PTPRT: variants seen among roughly 807,000 people sequenced by gnomAD.
PTPRT encodes receptor-type tyrosine-protein phosphatase T.
Under a neutral mutation model 176.8 loss-of-function variants are expected in PTPRT, and 56 were observed. The ratio of observed to expected loss-of-function variants is 0.32; its 90% CI spans 0.26 to 0.40. The LOEUF is 0.40. Among genes scored for constraint, PTPRT ranks in the 10% least tolerant of loss-of-function variants. The pLI, the probability that PTPRT is intolerant of heterozygous loss-of-function variation, is 1.00. For missense variants in PTPRT, 1,540 were observed against 1,908.2 expected (o/e 0.81, Z 3.60); for synonymous variants, 783 against 739.0 (o/e 1.06, Z -0.96).
intron 2 of PTPRT, among the ~76,000 whole-genome samples, chr20:42,826,165 T>C (rs2077989283): frequency 6.6e-6 from 1 of 151,884 alleles, no homozygotes; most frequent in Non-Finnish European, 1.5e-5. Context: ...CCACGGGTGA[T>C]CCACTGAAAC....
At chr20:42,914,893 A>G (rs1978634932) in intron 1 of PTPRT, among the ~76,000 whole-genome samples, 2 of 151,850 alleles carry the variant, frequency 1.3e-5, no homozygotes, top group Admixed American at 1.3e-4. Context: ...AAAAAAAAAT[A>G]CATACCAAAC....
chr20:42,227,999 T>C (rs1438857863), intron 15 of PTPRT, among the ~76,000 whole-genome samples: 2 of 152,134 alleles, frequency 1.3e-5, no homozygotes, highest in Non-Finnish European at 2.9e-5. Flanking sequence ...GGTACTCCTT[T>C]CTGTTAGCAG....
chr20:42,657,505 T>C (rs1238945366), intron 7 of PTPRT, among the ~76,000 whole-genome samples: 5 of 152,188 alleles, frequency 3.3e-5, no homozygotes, highest in Admixed American at 1.3e-4. Context: ...TTCCCTGGGA[T>C]TGGCCTCTCT....
Position 42,558,283 on chromosome 20 carries a change from C to T in PTPRT, c.1154-85721G>A, listed in dbSNP as rs6065511. Among the ~76,000 whole-genome samples, 3 of 152,096 alleles carry T rather than the reference C, an allele frequency of 2.0e-5. No individual in the cohort carries two copies. The East Asian group carries it at 5.8e-4, about 29-fold the overall frequency. On this transcript the variant is annotated intron_variant, in intron 7 of 30. Coordinates refer to ENST00000373187, the MANE Select transcript of PTPRT (RefSeq NM_007050.6). ...GCGTTAGTTTTCTAAGTTTAATGGCCTTCAGCTCCATCCACGTCCCTGAAA... is the reference window on the plus strand; with the variant it reads ...GCGTTAGTTTTCTAAGTTTAATGGCTTTCAGCTCCATCCACGTCCCTGAAA...
intron 11 of PTPRT, among the ~76,000 whole-genome samples, chr20:42,334,330 T>C (rs1208335200): frequency 1.3e-5 from 2 of 152,178 alleles, no homozygotes; most frequent in South Asian, 4.1e-4. Context: ...TGTCCTGACA[T>C]TGCCAGATAT....
At chr20:42,158,962 C>T (rs1354724232) in intron 17 of PTPRT, among the ~76,000 whole-genome samples, 1 of 152,166 alleles carries the variant, frequency 6.6e-6, no homozygotes, top group Admixed American at 6.5e-5. Context: ...AAGCAACTCA[C>T]CACACAGGGA....
chr20:42,670,443 T>C (rs2075393184), intron 7 of PTPRT, among the ~76,000 whole-genome samples: 1 of 152,208 alleles, frequency 6.6e-6, no homozygotes, highest in African/African-American at 2.4e-5. Context: ...TCCTTTTCAT[T>C]CAATTCTAAT....
intron 2 of PTPRT, among the ~76,000 whole-genome samples, chr20:42,852,750 T>C (rs1026720039): frequency 1.3e-5 from 2 of 152,172 alleles, no homozygotes; most frequent in African/African-American, 4.8e-5. Context: ...CCTATCAACA[T>C]GCCTTCTAGT....
At chr20:42,665,914 G>A (rs911651146) in intron 7 of PTPRT, among the ~76,000 whole-genome samples, 6 of 146,186 alleles carry the variant, frequency 4.1e-5, no homozygotes, top group South Asian at 2.2e-4. Flanking sequence ...GGACACAGGA[G>A]GGGGAACATC....
At chr20:42,837,410 G>T (rs527614952) in intron 2 of PTPRT, among the ~76,000 whole-genome samples, 1 of 152,288 alleles carries the variant, frequency 6.6e-6, no homozygotes, top group East Asian at 1.9e-4. Flanking sequence ...TCATCCTATT[G>T]TGACACCTGC....
chr20:42,055,901 G>A, the PTPRT span, among the ~76,000 whole-genome samples: 1 of 152,096 alleles, frequency 6.6e-6, no homozygotes, highest in Non-Finnish European at 1.5e-5. Flanking sequence ...CCAGCTGATG[G>A]GGGTCGACTC....
chr20:42,137,487 G>A (rs552765505), intron 18 of PTPRT, among the ~76,000 whole-genome samples: 1 of 152,134 alleles, frequency 6.6e-6, no homozygotes, highest in Non-Finnish European at 1.5e-5. Context: ...ACATGGATGT[G>A]ACTTGATGCA....
chr20:42,309,158 T>A (rs779445022), intron 12 of PTPRT, among the ~76,000 whole-genome samples: 1 of 152,218 alleles, frequency 6.6e-6, no homozygotes, highest in African/African-American at 2.4e-5. Context: ...AGAACATGCA[T>A]AACAGCATTG....
intron 1 of PTPRT, among the ~76,000 whole-genome samples, chr20:42,973,904 T>C (rs925586272): frequency 4.6e-5 from 7 of 152,188 alleles, no homozygotes; most frequent in Non-Finnish European, 7.3e-5. Flanking sequence ...AGCCACCTCA[T>C]CTGACAGATG....
chr20:42,413,723 C>T (rs1302047975), intron 9 of PTPRT, among the ~76,000 whole-genome samples: 1 of 152,204 alleles, frequency 6.6e-6, no homozygotes, highest in African/African-American at 2.4e-5. Flanking sequence ...CAAGATCTCA[C>T]ATGGCTCACC....
At chr20:42,542,768 C>T (rs1346542472) in intron 7 of PTPRT, among the ~76,000 whole-genome samples, 1 of 152,058 alleles carries the variant, frequency 6.6e-6, no homozygotes, top group Non-Finnish European at 1.5e-5. Context: ...CTGTTAAATC[C>T]ACCAAGTTTC....
intron 7 of PTPRT, among the ~76,000 whole-genome samples, chr20:42,535,123 C>T (rs2072453638): frequency 6.6e-6 from 1 of 152,076 alleles, no homozygotes. Flanking sequence ...AAAATAAGTA[C>T]TCAACAAAAA....
At chr20:42,658,825 A>T (rs924706775) in intron 7 of PTPRT, among the ~76,000 whole-genome samples, 16 of 152,212 alleles carry the variant, frequency 1.1e-4, no homozygotes, top group African/African-American at 3.9e-4. Flanking sequence ...TCAATTTAAT[A>T]TTTGCATTTA....
At position 42,077,469 on chromosome 20, in the gene PTPRT, A is replaced by G. The variant is rs1458676612; in HGVS notation, c.*3410T>C. 4.5e-6 allele frequency: 1 copy of G among 223,112 alleles called. No individual in the cohort carries two copies. The highest frequency in any genetic ancestry group is 5.7e-5 in the Admixed American group (1 of 17,398). The allele number at this position is 223,112 out of a possible 1,614,324, so 13.8% of individuals were successfully genotyped here. A position where few individuals can be genotyped will look rare whatever the true frequency, so the allele number is the denominator to read the frequency against. On this transcript the variant is annotated 3_prime_UTR_variant, in exon 31 of 31. Coordinates refer to ENST00000373187, the MANE Select transcript of PTPRT (RefSeq NM_007050.6). ...TAAAGACTCAGAGAGCATTAATAAT[A>G]TTTTCCTCTGCTCATGACAGGCTGA...
Sources: allele counts gnomAD v4.1 joint callset (sites outside exome capture counted in the v4.1 genomes callset), GRCh38; gene constraint gnomAD v4.1.1; transcripts MANE v1.5; gene names NCBI Gene and HGNC (gene_info 2026-07-23, HGNC 2026-07-21).